ORC4: variants seen among roughly 807,000 people sequenced by gnomAD.
ORC4 encodes the protein origin recognition complex, subunit 4 homolog.
In ORC4, 55 loss-of-function variants were observed where a neutral mutation model predicts 63.9. The ratio of observed to expected loss-of-function variants is 0.86; its 90% CI spans 0.69 to 1.08. The LOEUF (loss-of-function observed/expected upper bound fraction) is 1.08. Ranked by LOEUF, ORC4 falls within the 50% of genes least tolerant of loss-of-function variation. The pLI is 0.00. For synonymous variants in ORC4, 150 were observed against 168.5 expected, an observed-to-expected ratio of 0.89 and a Z score of 0.85; for missense variants, 511 against 504.4, an observed-to-expected ratio of 1.01 and a Z score of -0.13.
At chr2:148,017,674 G>A (rs2105483699) in intron 1 of ORC4, among the ~76,000 whole-genome samples, 1 of 152,146 alleles carries the variant, frequency 6.6e-6, no homozygotes, top group Admixed American at 6.5e-5. Context: ...TCCATCTCCA[G>A]GGGGGAAAAA....
intron 1 of ORC4, among the ~76,000 whole-genome samples, chr2:148,018,627 T>C (rs970611113): frequency 1.6e-4 from 24 of 152,324 alleles, no homozygotes; most frequent in Admixed American, 1.4e-3. Context: ...TAGAGCTAAA[T>C]GTACTAATAG....
chr2:148,010,130 A>C (rs1219062428), intron 1 of ORC4, among the ~76,000 whole-genome samples: 1 of 152,226 alleles, frequency 6.6e-6, no homozygotes. Flanking sequence ...GAAATTAAAA[A>C]ATGTCTTGAA....
chr2:147,996,947 T>C (rs1692010332), intron 1 of ORC4, among the ~76,000 whole-genome samples: 1 of 152,248 alleles, frequency 6.6e-6, no homozygotes, highest in Non-Finnish European at 1.5e-5. Flanking sequence ...CAAAGACCTG[T>C]ACCTTCCTGT....
intron 1 of ORC4, among the ~76,000 whole-genome samples, chr2:148,010,848 C>CTTTTT (rs201359357): frequency 6.5e-4 from 64 of 98,534 alleles, no homozygotes; most frequent in Non-Finnish European, 1.1e-3. Flanking sequence ...CAGATTTATT[C>CTTTTT]TTTTTTTTTT....
rs1005948730 is a variant in ORC4 at position 147,933,259 on chromosome 2, G to C, written c.*2251C>G. The stretch of plus-strand genomic sequence containing the variant: ...ATTCTTGAACCGCTTTTTAAACTAG[G>C]GTTTTTCATATTTGTTTTTATTGAT... On this transcript the variant is annotated 3_prime_UTR_variant, in exon 14 of 14. Transcript: ENST00000392857. 1.3e-5 allele frequency: 2 copies of C among 151,836 alleles called. No individual in the cohort carries two copies. The highest frequency in any genetic ancestry group is 2.4e-5 in the African/African-American group (1 of 41,330). The allele number at this position is 151,836 out of a possible 1,614,324, so 9.4% of individuals were successfully genotyped here. A position where few individuals can be genotyped will look rare whatever the true frequency, so the allele number is the denominator to read the frequency against.
intron 5 of ORC4, 79 bp downstream of exon 5, chr2:147,958,712 T>C: frequency 4.0e-6 from 3 of 748,528 alleles, no homozygotes; most frequent in Non-Finnish European, 7.2e-6. Flanking sequence ...ACTATTAAAA[T>C]GGATTTGAAA....
chr2:148,005,734 T>G (rs530512457), intron 1 of ORC4, among the ~76,000 whole-genome samples: 181 of 149,456 alleles, frequency 1.2e-3, no homozygotes, highest in Non-Finnish European at 2.2e-3. Flanking sequence ...ATCTCAGCAC[T>G]TTGGAAGGTC....
At chr2:147,967,447 G>A (rs1042136037) in intron 4 of ORC4, among the ~76,000 whole-genome samples, 1 of 151,698 alleles carries the variant, frequency 6.6e-6, no homozygotes, top group Non-Finnish European at 1.5e-5. Flanking sequence ...TAAAGTTGAA[G>A]GCTACAAAAT....
intron 1 of ORC4, among the ~76,000 whole-genome samples, chr2:148,012,154 A>G (rs1403766194): frequency 6.6e-6 from 1 of 152,192 alleles, no homozygotes; most frequent in African/African-American, 2.4e-5. Flanking sequence ...CCTGACCAAA[A>G]AGAACAGAGC....
chr2:147,963,810 C>T (rs1689744068), intron 4 of ORC4, among the ~76,000 whole-genome samples: 1 of 152,152 alleles, frequency 6.6e-6, no homozygotes, highest in East Asian at 1.9e-4. Flanking sequence ...AAACAACTCT[C>T]AGCCTAGGCC....
intron 1 of ORC4, among the ~76,000 whole-genome samples, chr2:148,016,220 T>C (rs1251316697): frequency 2.0e-5 from 3 of 152,108 alleles, no homozygotes; most frequent in Non-Finnish European, 4.4e-5. Flanking sequence ...AACTAGATTT[T>C]ATATGACAAG....
chr2:147,948,301 G>T, intron 8 of ORC4, 77 bp from the exon 9 acceptor site: 1 of 926,910 alleles, frequency 1.1e-6, no homozygotes, highest in Non-Finnish European at 1.7e-6. Context: ...AATGTTAGAG[G>T]TATAAGTAAA....
chr2:147,938,454 C>A, intron 11 of ORC4, 61 bp from the exon 12 acceptor site: 1 of 952,918 alleles, frequency 1.0e-6, no homozygotes, highest in South Asian at 1.3e-5. Context: ...AATAACTGTT[C>A]TCCAAAGAAT....
chr2:148,003,921 C>A (rs1360730926), intron 1 of ORC4, among the ~76,000 whole-genome samples: 4 of 152,154 alleles, frequency 2.6e-5, no homozygotes, highest in Non-Finnish European at 4.4e-5. Context: ...TGTCAGGATA[C>A]AAAATCAATG....
At chr2:147,959,829 CTGAGAAGTGACATTTAA>C (rs1043924273) in intron 4 of ORC4, among the ~76,000 whole-genome samples, 19 of 152,150 alleles carry the variant, frequency 1.2e-4, no homozygotes, top group Middle Eastern at 3.4e-3. Context: ...AATAGCCCAA[CTGAGAAGTGACATTTAA>C]TGAGAAGTGA....
chr2:147,947,064 G>A (rs1483536535), intron 9 of ORC4, among the ~76,000 whole-genome samples: 1 of 151,800 alleles, frequency 6.6e-6, no homozygotes, highest in Non-Finnish European at 1.5e-5. Context: ...AATGCAAAAC[G>A]CTTCCAATTT....
intron 1 of ORC4, among the ~76,000 whole-genome samples, chr2:147,985,478 G>C (rs868578960): frequency 6.6e-6 from 1 of 152,174 alleles, no homozygotes; most frequent in Non-Finnish European, 1.5e-5. Context: ...TTACAGGCGT[G>C]AGCCACCGTG....
chr2:147,994,074 G>A (rs1691789113), intron 1 of ORC4, among the ~76,000 whole-genome samples: 1 of 151,970 alleles, frequency 6.6e-6, no homozygotes, highest in Admixed American at 6.6e-5. Flanking sequence ...ATGAACAACT[G>A]AAATTAGAAA....
At chr2:147,979,916 A>G (rs1267564534) in intron 1 of ORC4, among the ~76,000 whole-genome samples, 1 of 152,202 alleles carries the variant, frequency 6.6e-6, no homozygotes, top group African/African-American at 2.4e-5. Context: ...CCATATACAA[A>G]GATCAACTAA....
Sources: allele counts gnomAD v4.1 joint callset (sites outside exome capture counted in the v4.1 genomes callset), GRCh38; gene constraint gnomAD v4.1.1; transcripts MANE v1.5; gene names NCBI Gene and HGNC (gene_info 2026-07-23, HGNC 2026-07-21).